COX7B2: variants seen among roughly 807,000 people sequenced by gnomAD.
COX7B2 encodes cytochrome c oxidase subunit 7B2, mitochondrial.
For missense variants in COX7B2, 109 were observed against 95.9 expected (o/e 1.14, Z -0.57); for synonymous variants, 37 against 32.1 (o/e 1.15, Z -0.51).
At chr4:46,736,594 A>G (rs1470458980) in intron 2 of COX7B2, among the ~76,000 whole-genome samples, 1 of 152,142 alleles carries the variant, frequency 6.6e-6, no homozygotes, top group Non-Finnish European at 1.5e-5. Flanking sequence ...CTACAGGGCA[A>G]TGGTTCGGTT....
chr4:46,770,839 G>T (rs893316406), intron 2 of COX7B2, among the ~76,000 whole-genome samples: 1 of 152,028 alleles, frequency 6.6e-6, no homozygotes, highest in Non-Finnish European at 1.5e-5. Context: ...AGGGATTAAA[G>T]ACTTAAAAAT....
At chr4:46,798,056 G>T (rs1718454990) in intron 2 of COX7B2, among the ~76,000 whole-genome samples, 1 of 152,128 alleles carries the variant, frequency 6.6e-6, no homozygotes, top group African/African-American at 2.4e-5. Context: ...TTACATTGAT[G>T]ACATTATGTT....
chr4:46,863,891 C>T (rs1358688357), intron 1 of COX7B2, among the ~76,000 whole-genome samples: 2 of 152,120 alleles, frequency 1.3e-5, no homozygotes, highest in African/African-American at 4.8e-5. Flanking sequence ...GTTTTAAGGG[C>T]TAATGAGTGT....
intron 2 of COX7B2, among the ~76,000 whole-genome samples, chr4:46,837,762 T>C (rs113964985): frequency 0.011 from 1,748 of 152,214 alleles, 26 homozygotes; most frequent in African/African-American, 0.039. Flanking sequence ...TGAGAGGTTT[T>C]TTGGTAACAT....
chr4:46,794,651 T>C (rs1182857807), intron 2 of COX7B2, among the ~76,000 whole-genome samples: 4 of 152,070 alleles, frequency 2.6e-5, no homozygotes, highest in African/African-American at 9.7e-5. Context: ...GATAATTAGA[T>C]CCTAGGGTGA....
chr4:46,822,101 C>G (rs1009220889), intron 2 of COX7B2, among the ~76,000 whole-genome samples: 1 of 152,012 alleles, frequency 6.6e-6, no homozygotes, highest in Non-Finnish European at 1.5e-5. Context: ...TTAGTAGACA[C>G]GAGGTTTCAC....
At chr4:46,762,877 C>T (rs2109481927) in intron 2 of COX7B2, among the ~76,000 whole-genome samples, 1 of 145,716 alleles carries the variant, frequency 6.9e-6, no homozygotes, top group South Asian at 2.1e-4. Flanking sequence ...TTTTGGGATC[C>T]TGTATGCACA....
At chr4:46,792,617 A>G (rs189011503) in intron 2 of COX7B2, among the ~76,000 whole-genome samples, 1 of 152,104 alleles carries the variant, frequency 6.6e-6, no homozygotes, top group Admixed American at 6.5e-5. Flanking sequence ...TTACACCACA[A>G]GCTTTCCTAG....
intron 2 of COX7B2, among the ~76,000 whole-genome samples, chr4:46,827,627 T>A (rs1714785283): frequency 6.6e-6 from 1 of 152,118 alleles, no homozygotes. Flanking sequence ...TCGTAGCATA[T>A]CTGCACTAAA....
At chr4:46,882,420 G>C (rs1460926997) in intron 1 of COX7B2, among the ~76,000 whole-genome samples, 2 of 152,094 alleles carry the variant, frequency 1.3e-5, no homozygotes, top group African/African-American at 4.8e-5. Flanking sequence ...TTATTGTGTG[G>C]GAATCTACGT....
chr4:46,781,643 G>A (rs183695966), intron 2 of COX7B2, among the ~76,000 whole-genome samples: 7 of 152,326 alleles, frequency 4.6e-5, no homozygotes, highest in South Asian at 2.1e-4. Flanking sequence ...GGCTGAGGCC[G>A]GAGCTGGCTC....
chr4:46,807,764 A>G (rs1719077729), intron 2 of COX7B2, among the ~76,000 whole-genome samples: 1 of 151,852 alleles, frequency 6.6e-6, no homozygotes, highest in African/African-American at 2.4e-5. Flanking sequence ...TCCCAGCACC[A>G]TCTTTTAAAG....
intron 2 of COX7B2, among the ~76,000 whole-genome samples, chr4:46,753,377 G>T (rs1218613911): frequency 1.3e-5 from 2 of 151,812 alleles, no homozygotes; most frequent in East Asian, 3.9e-4. Context: ...AGCACCCAAT[G>T]GAACAGAACA....
intron 2 of COX7B2, among the ~76,000 whole-genome samples, chr4:46,809,467 T>C (rs1719176999): frequency 6.6e-6 from 1 of 151,866 alleles, no homozygotes; most frequent in South Asian, 2.1e-4. Flanking sequence ...TGGTATGTTG[T>C]GTTCCCATTG....
At chr4:46,888,827 T>C (rs774690635) in intron 1 of COX7B2, among the ~76,000 whole-genome samples, 11 of 152,222 alleles carry the variant, frequency 7.2e-5, no homozygotes, top group Non-Finnish European at 1.5e-4. Flanking sequence ...CCCAATTCTG[T>C]ATCTTCCTGT....
At chr4:46,880,008 A>G (rs2109844517) in intron 1 of COX7B2, among the ~76,000 whole-genome samples, 1 of 152,216 alleles carries the variant, frequency 6.6e-6, no homozygotes, top group South Asian at 2.1e-4. Flanking sequence ...AGAAGTGGTG[A>G]GAGAGGGCAT....
intron 2 of COX7B2, among the ~76,000 whole-genome samples, chr4:46,774,090 G>A (rs553733528): frequency 1.2e-4 from 18 of 152,188 alleles, no homozygotes; most frequent in African/African-American, 3.4e-4. Context: ...TATGCTTTCC[G>A]TGATTCTGTT....
At chr4:46,848,139 A>G (rs181590182) in intron 1 of COX7B2, among the ~76,000 whole-genome samples, 1 of 152,202 alleles carries the variant, frequency 6.6e-6, no homozygotes, top group Non-Finnish European at 1.5e-5. Context: ...ATTCAGCCTT[A>G]CTAGGCTCCT....
chr4:46,873,319 A>T (rs1718119354), intron 1 of COX7B2, among the ~76,000 whole-genome samples: 1 of 152,196 alleles, frequency 6.6e-6, no homozygotes, highest in African/African-American at 2.4e-5. Context: ...AATGATTTAT[A>T]ATCCTGTGGG....
Sources: gnomAD v4.1 joint callset for allele counts (sites outside exome capture counted in the v4.1 genomes callset) on GRCh38, gnomAD v4.1.1 for gene constraint, MANE v1.5 for transcripts, NCBI Gene and HGNC (gene_info 2026-07-23, HGNC 2026-07-21) for gene names.